The following MKNK2 variants were observed in gnomAD, a reference collection of about 807,000 sequenced individuals.
MKNK2 encodes the protein MAPK interacting serine/threonine kinase 2, also known as MAP kinase-interacting serine/threonine-protein kinase 2.
In MKNK2, 54 loss-of-function variants were observed where a neutral mutation model predicts 55.0. That is an observed-to-expected ratio of 0.98 (90% CI 0.79 to 1.23). The LOEUF is 1.23. Ranked by LOEUF, MKNK2 falls within the 50% of genes most tolerant of loss-of-function variation. The probability of loss-of-function intolerance (pLI) is 0.00; values close to 1 mark genes in which losing one functional copy is unlikely to be tolerated. For missense variants in MKNK2, 685 were observed against 632.1 expected (o/e 1.08, Z -0.90); for synonymous variants, 323 against 256.0 (o/e 1.26, Z -2.50).
At chr19:2,040,908 A>G in intron 12 of MKNK2, 132 bp downstream of exon 12, 1 of 908,136 alleles carries the variant, frequency 1.1e-6, no homozygotes, top group Middle Eastern at 3.0e-4. Context: ...ATCCCAGGGC[A>G]GAGCCTGTGC....
chr19:2,040,347 T>G, intron 12 of MKNK2, 170 bp from the exon 13 acceptor site: 2 of 590,812 alleles, frequency 3.4e-6, no homozygotes, highest in Non-Finnish European at 5.8e-6. Context: ...CCGAGGTCCC[T>G]ATGGTGAGGC....
rs1190597972 is a variant in MKNK2, at chr19:2,039,110, G to GTGCT, written c.*499_*502dup. 1.0e-6 allele frequency: 1 copy of GTGCT among 987,856 alleles called. No individual in the cohort carries two copies. Among genetic ancestry groups the GTGCT allele is most frequent in the Non-Finnish European group, 1.2e-6 (1 of 831,342 alleles). 61.2% of individuals were successfully genotyped at this position (987,856 alleles called of 1,614,324 possible). ...CCCTTCCCCAACCAAGCCACCAGGG[G>GTGCT]TGCTCTCAGGGTGAGGGATAGAGGG... On this transcript the variant is annotated 3_prime_UTR_variant, in exon 14 of 14. Coordinates refer to ENST00000250896, the MANE Select transcript of MKNK2 (RefSeq NM_199054.3).
intron 5 of MKNK2, 54 bp downstream of exon 5, chr19:2,046,132 C>G (rs992084703): frequency 6.5e-6 from 10 of 1,541,050 alleles, no homozygotes; most frequent in African/African-American, 5.4e-5. Context: ...TTTCCACCCC[C>G]GCTCAACACC....
Position 2,037,679 on chromosome 19 carries a change from G to T in MKNK2, c.*1934C>A. The T allele has an allele frequency of 1.4e-5, 15 of 1,041,986 alleles. No homozygotes were observed. The highest frequency in any genetic ancestry group is 2.7e-5 in the Admixed American group (1 of 36,672). 64.5% of individuals were successfully genotyped at this position (1,041,986 alleles called of 1,614,324 possible). A position where few individuals can be genotyped will look rare whatever the true frequency, so the allele number is the denominator to read the frequency against. On this transcript the variant is annotated 3_prime_UTR_variant, in exon 14 of 14. Transcript: ENST00000250896. ...TAAAAACATCGTAACATTAACACATGGCCGTTCACCGTCCCCCAGCGATGG... is the reference window on the plus strand; with the variant it reads ...TAAAAACATCGTAACATTAACACATTGCCGTTCACCGTCCCCCAGCGATGG...
At position 2,037,533 on chromosome 19, in the gene MKNK2, T is replaced by G; in HGVS notation, c.*2080A>C. The G allele has an allele frequency of 2.5e-6, 1 of 398,218 alleles. No individual in the cohort carries two copies. Among genetic ancestry groups the G allele is most frequent in the Non-Finnish European group, 4.5e-6 (1 of 222,490 alleles). The allele number at this position is 398,218 out of a possible 1,614,324, so 24.7% of individuals were successfully genotyped here. The stretch of plus-strand genomic sequence containing the variant: ...GAATACAAAATTCCGGCATTGACAG[T>G]TGGTGTAAAGGAAAACTTCTGAGCT... On this transcript the variant is annotated 3_prime_UTR_variant, in exon 14 of 14. Transcript: ENST00000250896.
At chr19:2,051,060 C>T (rs2017108014) in intron 1 of MKNK2, 36 bp downstream of exon 1, 2 of 335,660 alleles carry the variant, frequency 6.0e-6, no homozygotes, top group Non-Finnish European at 1.1e-5. Context: ...GCTACCGGGT[C>T]GGTGTCCTCG....
At chr19:2,046,740 G>A (rs377682197) in intron 2 of MKNK2, 49 bp from the exon 3 acceptor site, 17 of 1,382,472 alleles carry the variant, frequency 1.2e-5, no homozygotes, top group East Asian at 2.5e-5. Flanking sequence ...CCCTGCCCAC[G>A]CAGCAGGGAG....
At chr19:2,049,419 A>C (rs944286429) in intron 2 of MKNK2, among the ~76,000 whole-genome samples, 2 of 152,136 alleles carry the variant, frequency 1.3e-5, no homozygotes, top group African/African-American at 4.8e-5. Flanking sequence ...ACCTGGAGGA[A>C]CACCTCACAG....
rs71652796 is a variant in MKNK2 at position 2,037,631 on chromosome 19, GTTTTTTTTT to G, written c.*1973_*1981del. On this transcript the variant is annotated 3_prime_UTR_variant, in exon 14 of 14. Coordinates refer to ENST00000250896, the MANE Select transcript of MKNK2 (RefSeq NM_199054.3). ...CCCCCACTTTAAAAAAACTTTTGAG[GTTTTTTTTT>G]TTTTTTTGTCTTTTAAAAACATCGT... 29 of 591,640 alleles carry G rather than the reference GTTTTTTTTT, an allele frequency of 4.9e-5. No individual in the cohort carries two copies. Among genetic ancestry groups the G allele is most frequent in the Non-Finnish European group, 6.9e-5 (28 of 407,814 alleles). The allele number at this position is 591,640 out of a possible 1,614,324, so 36.6% of individuals were successfully genotyped here. A position where few individuals can be genotyped will look rare whatever the true frequency, so the allele number is the denominator to read the frequency against.
chr19:2,039,662 C>T lies in MKNK2; in HGVS notation c.1349G>A (p.Arg450Lys), dbSNP rs1355898630. ...CACTGGGGCCGAGGACAGACTGGCC[C>T]TTTGCCGCCGCTGCGCCAGCTTGGA... ...SQSKLAQRRQRASLSSAPVVL... is the reference protein window; with the variant it reads ...SQSKLAQRRQKASLSSAPVVL... Residue 450 changes from arginine (R) to lysine (K), a missense_variant, in exon 14 of 14, where the codon AGG becomes AAG. Arg to Lys is a conservative substitution (Grantham distance 26). Transcript: ENST00000250896. 3 of 1,612,760 alleles carry T rather than the reference C, an allele frequency of 1.9e-6. No individual in the cohort carries two copies. The highest frequency in any genetic ancestry group is 2.2e-5 in the East Asian group (1 of 44,864).
rs184628242 is a variant in MKNK2, at chr19:2,041,347, C to T, written c.946-143G>A. On this transcript the variant is annotated intron_variant, in intron 11 of 13. Transcript: ENST00000250896. ...GCCTGGGGCAGAGGGGGCTGGGAGCCGGACCAGGAGAGTCAGCTCCACCCA... is the reference window on the plus strand; with the variant it reads ...GCCTGGGGCAGAGGGGGCTGGGAGCTGGACCAGGAGAGTCAGCTCCACCCA... 3.4e-3 allele frequency: 2,753 copies of T among 806,612 alleles called. 38 individuals are homozygous for T. Among genetic ancestry groups the T allele is most frequent in the Non-Finnish European group, 1.7e-3 (907 of 519,278 alleles). 50.0% of individuals were successfully genotyped at this position (806,612 alleles called of 1,614,324 possible).
Position 2,041,998 on chromosome 19 carries a change from C to A in MKNK2, c.787G>T (p.Glu263Ter). The A allele has an allele frequency of 6.4e-7, 1 of 1,552,594 alleles. No homozygotes were observed. Among genetic ancestry groups the A allele is most frequent in the Non-Finnish European group, 8.7e-7 (1 of 1,149,762 alleles). The change falls in exon 11 of 14, where the codon GAG (glutamate) becomes TAG (stop). Residue 263 changes from glutamate (E) to a stop codon, truncating the protein, a stop_gained. Transcript: ENST00000250896. LOFTEE classifies it high-confidence loss of function. The stretch of plus-strand genomic sequence containing the variant: ...ATGCTAGCCTCCTCGCTGAAGGCCT[C>A]CACTACCTCCGGGGCCATGTACTCC... ...SAEYMAPEVVEAFSEEASIYD... is the reference protein window; with the variant it reads ...SAEYMAPEVV
chr19:2,046,074 C>CA, intron 5 of MKNK2, 112 bp downstream of exon 5: 3 of 1,113,934 alleles, frequency 2.7e-6, no homozygotes, highest in Non-Finnish European at 4.0e-6. Context: ...CACTTTTAGA[C>CA]ACGGGTCTTC....
chr19:2,040,172 G>A lies in MKNK2; in HGVS notation c.1116C>T (p.Ala372=). The A allele has an allele frequency of 1.3e-6, 2 of 1,584,058 alleles. 1 individual carries two copies. Among genetic ancestry groups the A allele is most frequent in the South Asian group, 2.3e-5 (2 of 86,706 alleles). ...VLQHPWVQGC[A]PENTLPTPMV... ...TGGGAGTGGGCAAGGTGTTCTCCGG[G>A]GCGCACTGCAACGAGAGTGGGCGGG... The change falls in exon 13 of 14, where the codon GCC becomes GCT. Residue 372 remains alanine, a synonymous_variant. Coordinates refer to ENST00000250896, the MANE Select transcript of MKNK2 (RefSeq NM_199054.3).
In MKNK2 at chr19:2,051,184, G is replaced by GCGCCGC. The variant is rs1251216787; in HGVS notation, c.-191_-186dup. The GCGCCGC allele has an allele frequency of 5.6e-3, 865 of 155,644 alleles. 11 individuals carry two copies. The highest frequency in any genetic ancestry group is 0.019 in the African/African-American group (787 of 41,448). The allele number at this position is 155,644 out of a possible 1,614,324, so 9.6% of individuals were successfully genotyped here. ...CGCTCCGCGGACCGCGCGGGGAACA[G>GCGCCGC]CGCCGCCGCCGCCGCCAGCGCGGAC... On this transcript the variant is annotated 5_prime_UTR_variant, in exon 1 of 14. Transcript: ENST00000250896.
chr19:2,042,980 C>A, intron 7 of MKNK2, 110 bp from the exon 8 acceptor site: 1 of 1,344,538 alleles, frequency 7.4e-7, no homozygotes, highest in African/African-American at 1.4e-5. Flanking sequence ...ACACTGGCTT[C>A]CTCCAGCACA....
chr19:2,050,355 G>A (rs1400458330), intron 2 of MKNK2, among the ~76,000 whole-genome samples: 9 of 152,244 alleles, frequency 5.9e-5, no homozygotes, highest in Non-Finnish European at 1.2e-4. Context: ...CCACATGGAG[G>A]TGGGAATGGG....
chr19:2,050,746 C>A, intron 2 of MKNK2, 55 bp downstream of exon 2: 1 of 1,497,136 alleles, frequency 6.7e-7, no homozygotes, highest in Non-Finnish European at 9.0e-7. Context: ...GCCCCCCACG[C>A]CGGCCATTCC....
At chr19:2,049,404 C>G (rs150182662) in intron 2 of MKNK2, among the ~76,000 whole-genome samples, 1 of 152,186 alleles carries the variant, frequency 6.6e-6, no homozygotes, top group Non-Finnish European at 1.5e-5. Context: ...CAACCGGTCC[C>G]GGCCACCTGG....
Sources: gnomAD v4.1 joint callset for allele counts (sites outside exome capture counted in the v4.1 genomes callset) on GRCh38, gnomAD v4.1.1 for gene constraint, MANE v1.5 for transcripts, NCBI Gene and HGNC (gene_info 2026-07-23, HGNC 2026-07-21) for gene names.